Variants in FSTL4 observed in about 807,000 individuals in gnomAD.
FSTL4 encodes the protein follistatin like 4.
A neutral mutation model predicts 78.2 loss-of-function variants in FSTL4; 28 were observed. The ratio of observed to expected loss-of-function variants is 0.36; its 90% confidence interval spans 0.27 to 0.49. The LOEUF (loss-of-function observed/expected upper bound fraction) is 0.49, where lower values mean the gene tolerates loss of function less well. FSTL4 is among the 20% of genes least tolerant of loss of function. The pLI is 0.98. For synonymous variants in FSTL4, 422 were observed against 440.5 expected (o/e 0.96, Z 0.53); for missense variants, 922 against 1,084.9 (o/e 0.85, Z 2.11).
At chr5:133,729,876 A>G in the FSTL4 span, among the ~76,000 whole-genome samples, 1 of 152,094 alleles carries the variant, frequency 6.6e-6, no homozygotes, top group Non-Finnish European at 1.5e-5. Context: ...TTTGAGAGGA[A>G]CGAGTCTCTC....
At chr5:133,685,068 G>C in the FSTL4 span, among the ~76,000 whole-genome samples, 1 of 152,142 alleles carries the variant, frequency 6.6e-6, no homozygotes, top group South Asian at 2.1e-4. Flanking sequence ...AGTGAACAGG[G>C]CCTGTCCAGC....
chr5:133,784,653 C>T, the FSTL4 span, among the ~76,000 whole-genome samples: 1 of 151,872 alleles, frequency 6.6e-6, no homozygotes. Context: ...TCCCGGCTTC[C>T]ACCACTCCAA....
At chr5:133,321,071 T>C (rs1443020646) in intron 4 of FSTL4, among the ~76,000 whole-genome samples, 16 of 150,894 alleles carry the variant, frequency 1.1e-4, no homozygotes, top group Admixed American at 6.6e-5. Flanking sequence ...CCAAGGTTCA[T>C]GTCTTTCTTA....
intron 4 of FSTL4, among the ~76,000 whole-genome samples, chr5:133,397,475 C>G (rs1387324256): frequency 6.6e-6 from 1 of 152,212 alleles, no homozygotes; most frequent in Non-Finnish European, 1.5e-5. Context: ...TGCTAATGAT[C>G]CCTAAATGAT....
At chr5:133,835,518 T>C in the FSTL4 span, among the ~76,000 whole-genome samples, 42 of 152,212 alleles carry the variant, frequency 2.8e-4, no homozygotes, top group Non-Finnish European at 5.6e-4. Context: ...TATGTAACAC[T>C]TGGATGTAGC....
intron 6 of FSTL4, among the ~76,000 whole-genome samples, chr5:133,300,918 G>A (rs542072737): frequency 4.7e-4 from 72 of 152,260 alleles, no homozygotes; most frequent in African/African-American, 1.5e-3. Context: ...CTGTGGAGCC[G>A]GAAGCCCTGA....
At chr5:133,409,246 G>A (rs562089433) in intron 3 of FSTL4, among the ~76,000 whole-genome samples, 7 of 152,128 alleles carry the variant, frequency 4.6e-5, no homozygotes. Flanking sequence ...GGCAGTGTCA[G>A]GTAGTCACCA....
chr5:133,827,332 C>T, the FSTL4 span, among the ~76,000 whole-genome samples: 1 of 152,196 alleles, frequency 6.6e-6, no homozygotes, highest in African/African-American at 2.4e-5. Flanking sequence ...ACAGGCCTTC[C>T]TGACAGCAGC....
chr5:133,601,567 T>A (rs1026278932), intron 2 of FSTL4, among the ~76,000 whole-genome samples: 3 of 152,086 alleles, frequency 2.0e-5, no homozygotes, highest in African/African-American at 7.2e-5. Context: ...GGCAGGGGCA[T>A]GGGGGTGCAT....
At chr5:133,804,459 G>A in the FSTL4 span, among the ~76,000 whole-genome samples, 1 of 152,130 alleles carries the variant, frequency 6.6e-6, no homozygotes, top group Non-Finnish European at 1.5e-5. Context: ...TTAACCTAGT[G>A]GGTATACTAT....
Position 133,607,898 on chromosome 5 carries a change from C to T in FSTL4, c.-10-3905G>A, listed in dbSNP as rs182378869. Among the ~76,000 whole-genome samples the T allele has an allele frequency of 3.4e-3, 426 of 124,610 alleles. 3 individuals carry two copies. The highest frequency in any genetic ancestry group is 0.012 in the African/African-American group (394 of 33,400). 81.7% of individuals were successfully genotyped at this position (124,610 alleles called of 152,430 possible). On this transcript the variant is annotated intron_variant, in intron 1 of 15. Coordinates refer to ENST00000265342, the MANE Select transcript of FSTL4 (RefSeq NM_015082.2). ...TCTATTTATGGGCTAAGAAAAAATA[C>T]GGTAGAAGGAAAGAAGGGAGGGAGG...
At chr5:133,535,581 C>G (rs934029874) in intron 3 of FSTL4, among the ~76,000 whole-genome samples, 1 of 152,314 alleles carries the variant, frequency 6.6e-6, no homozygotes, top group East Asian at 1.9e-4. Flanking sequence ...TTAATAAATA[C>G]GTGGGTAAAT....
rs572586171 is a variant in FSTL4 at position 133,210,302 on chromosome 5, GA to G, written c.1609-5del. 1.2e-4 allele frequency: 182 copies of G among 1,524,292 alleles called. No individual in the cohort carries two copies. The highest frequency in any genetic ancestry group is 1.4e-4 in the Non-Finnish European group (159 of 1,100,278). 94.4% of individuals were successfully genotyped at this position (1,524,292 alleles called of 1,614,324 possible). A position where few individuals can be genotyped will look rare whatever the true frequency, so the allele number is the denominator to read the frequency against. On this transcript the variant is annotated splice_polypyrimidine_tract_variant and splice_region_variant and intron_variant, in intron 13 of 15. Transcript: ENST00000265342. ...GCAGAGGGTCCACACCTATGGACTT[GA>G]AAAAAAATAGTGACATGTTGTGAAA...
At chr5:133,530,443 T>A (rs1561458565) in intron 3 of FSTL4, among the ~76,000 whole-genome samples, 1 of 152,186 alleles carries the variant, frequency 6.6e-6, no homozygotes, top group Non-Finnish European at 1.5e-5. Flanking sequence ...AGGGCCCACG[T>A]GTAATCCTCA....
chr5:133,704,195 A>C, the FSTL4 span, among the ~76,000 whole-genome samples: 1 of 152,210 alleles, frequency 6.6e-6, no homozygotes, highest in Non-Finnish European at 1.5e-5. Context: ...GGAGGAGGAA[A>C]CTGGGAAATT....
chr5:133,766,395 A>G, the FSTL4 span, among the ~76,000 whole-genome samples: 93 of 152,322 alleles, frequency 6.1e-4, no homozygotes, highest in African/African-American at 2.2e-3. Flanking sequence ...TTTACAGAAA[A>G]AGTGTGCCTA....
At chr5:133,323,102 C>G (rs1754114990) in intron 4 of FSTL4, among the ~76,000 whole-genome samples, 1 of 152,106 alleles carries the variant, frequency 6.6e-6, no homozygotes, top group African/African-American at 2.4e-5. Context: ...TTCAGGGGGA[C>G]ACAGACTTCA....
chr5:133,702,071 T>C, the FSTL4 span, among the ~76,000 whole-genome samples: 1 of 152,228 alleles, frequency 6.6e-6, no homozygotes, highest in Non-Finnish European at 1.5e-5. Context: ...GTACAGATTC[T>C]GGGAAGCAGA....
rs70974086 is a variant in FSTL4 at position 133,517,479 on chromosome 5, CCACA to C, written c.160+49703_160+49706del. ...ATATATATATGCACACACACACACA[CCACA>C]CACACACACACACACACACACACAC... is the stretch of plus-strand genomic sequence containing the variant. On this transcript the variant is annotated intron_variant, in intron 3 of 15. Coordinates refer to ENST00000265342, the MANE Select transcript of FSTL4 (RefSeq NM_015082.2). 1.5e-3 allele frequency among the ~76,000 whole-genome samples: 81 copies of C among 55,518 alleles called. No homozygotes were observed. In the South Asian group the frequency reaches 0.016, roughly 11 times the overall value. The allele number at this position is 55,518 out of a possible 152,430, so 36.4% of individuals were successfully genotyped here. A position where few individuals can be genotyped will look rare whatever the true frequency, so the allele number is the denominator to read the frequency against.
Sources: allele counts gnomAD v4.1 joint callset (sites outside exome capture counted in the v4.1 genomes callset), GRCh38; gene constraint gnomAD v4.1.1; transcripts MANE v1.5; gene names NCBI Gene and HGNC (gene_info 2026-07-23, HGNC 2026-07-21).